The following CYREN variants were observed in gnomAD, a reference collection of about 807,000 sequenced individuals.
CYREN encodes cell cycle regulator of non-homologous end joining.
CYREN carries 7 observed loss-of-function variants against 9.7 expected under a neutral mutation model. The ratio of observed to expected loss-of-function variants is 0.72; its 90% CI spans 0.41 to 1.36. The LOEUF is 1.36. Among genes scored for constraint, CYREN ranks in the 40% most tolerant of loss-of-function variants. CYREN has a pLI of 0.01. For synonymous variants in CYREN, 76 were observed against 77.9 expected, an observed-to-expected ratio of 0.98 and a Z score of 0.13; for missense variants, 215 against 198.1, an observed-to-expected ratio of 1.09 and a Z score of -0.51.
chr7:135,155,251 A>G (rs1829761841), intron 2 of CYREN, among the ~76,000 whole-genome samples: 1 of 152,144 alleles, frequency 6.6e-6, no homozygotes. Context: ...GTTTCTTGTA[A>G]GCAGCATGGA....
intron 2 of CYREN, among the ~76,000 whole-genome samples, chr7:135,096,733 G>GAGAA (rs1441379719): frequency 6.4e-4 from 33 of 51,238 alleles, no homozygotes; most frequent in East Asian, 4.8e-3. Flanking sequence ...AAGAAAGAAA[G>GAGAA]AGAAAGAATG....
At chr7:135,102,805 C>A (rs1463873598) in intron 2 of CYREN, among the ~76,000 whole-genome samples, 7 of 151,896 alleles carry the variant, frequency 4.6e-5, no homozygotes, top group Admixed American at 4.6e-4. Context: ...AATATCTAAG[C>A]TAAAATCATA....
chr7:135,168,173 C>T (rs997925332), intron 2 of CYREN: 12 of 246,136 alleles, frequency 4.9e-5, no homozygotes, highest in East Asian at 2.4e-4. Context: ...TAGGGAAAGA[C>T]GGCAGCAGTC....
At chr7:135,147,910 T>C in intron 2 of CYREN, 3 of 455,926 alleles carry the variant, frequency 6.6e-6, no homozygotes, top group Non-Finnish European at 8.8e-6. Context: ...TTTAAATCAG[T>C]TGGTTTGCCG....
intron 2 of CYREN, among the ~76,000 whole-genome samples, chr7:135,114,066 G>A (rs1193497721): frequency 6.6e-6 from 1 of 152,062 alleles, no homozygotes; most frequent in Non-Finnish European, 1.5e-5. Flanking sequence ...ATATTCCATT[G>A]TATGAATATA....
chr7:135,139,347 A>G (rs1205079192), intron 2 of CYREN, among the ~76,000 whole-genome samples: 2 of 151,330 alleles, frequency 1.3e-5, no homozygotes, highest in African/African-American at 4.9e-5. Context: ...TGATGTTGAG[A>G]ATTTTTTCAT....
At chr7:135,112,074 T>C (rs1456486963) in intron 2 of CYREN, among the ~76,000 whole-genome samples, 1 of 152,192 alleles carries the variant, frequency 6.6e-6, no homozygotes, top group Non-Finnish European at 1.5e-5. Context: ...TACACTTCTG[T>C]TTTTTGGTCT....
At chr7:135,100,243 A>G (rs964027635) in intron 2 of CYREN, among the ~76,000 whole-genome samples, 1 of 152,058 alleles carries the variant, frequency 6.6e-6, no homozygotes, top group African/African-American at 2.4e-5. Flanking sequence ...AGCACTTTAG[A>G]ATGAATGACA....
At chr7:135,169,831 G>T (rs1830519101) in intron 1 of CYREN, among the ~76,000 whole-genome samples, 1 of 152,216 alleles carries the variant, frequency 6.6e-6, no homozygotes, top group Non-Finnish European at 1.5e-5. Flanking sequence ...AGTAGTCAGC[G>T]ATAGTCCTCT....
At chr7:135,164,413 C>G (rs753566403), downstream of CYREN, 5 of 1,578,884 alleles carry the variant, frequency 3.2e-6, no homozygotes, top group Non-Finnish European at 4.3e-6. Context: ...GTGACTTCCC[C>G]GCAGGTCCCC....
chr7:135,154,238 G>A lies in CYREN; in HGVS notation n.356+14511C>T, dbSNP rs1013261386. ...TCTTTCTTCTTGGTTAATCTAGCTA[G>A]TGGTTTATCAATTTTGTCTATCTTT... On this transcript the variant is annotated intron_variant and non_coding_transcript_variant, in intron 2 of 2. Transcript: ENST00000459937. 3.9e-5 allele frequency among the ~76,000 whole-genome samples: 6 copies of A among 152,074 alleles called. No homozygotes were observed. The East Asian group carries it at 1.2e-3, about 29-fold the overall frequency.
At chr7:135,142,036 G>A (rs1401318634) in intron 2 of CYREN, among the ~76,000 whole-genome samples, 1 of 151,974 alleles carries the variant, frequency 6.6e-6, no homozygotes, top group Admixed American at 6.6e-5. Flanking sequence ...TGTTGGGTGG[G>A]GTGTTCTGTA....
intron 2 of CYREN, among the ~76,000 whole-genome samples, chr7:135,154,817 T>A (rs1291224816): frequency 6.6e-6 from 1 of 152,242 alleles, no homozygotes; most frequent in Non-Finnish European, 1.5e-5. Flanking sequence ...AAATAATGTA[T>A]ATTCTGTAGT....
rs776802218 is a variant in CYREN at position 135,166,831 on chromosome 7, G to C, written c.254C>G (p.Ala85Gly). Residue 85 changes from alanine (A) to glycine (G), a missense_variant, in exon 4 of 4, where the codon GCG becomes GGG. Transcript: ENST00000393114. Reference sequence around the variant, plus strand: ...GGAGTGCTCTGGGTTATCAGCCCCCGCCAGGGCCGGCTGCTCGCAGGCCTT... The same window carrying C: ...GGAGTGCTCTGGGTTATCAGCCCCCCCCAGGGCCGGCTGCTCGCAGGCCTT... ...QEKACEQPALAGADNPEHSPP... is the reference protein window; with the variant it reads ...QEKACEQPALGGADNPEHSPP... 1 of 1,614,080 alleles carries C rather than the reference G, an allele frequency of 6.2e-7. No individual in the cohort carries two copies. The highest frequency in any genetic ancestry group is 8.5e-7 in the Non-Finnish European group (1 of 1,179,968).
In CYREN at chr7:135,139,081, A is replaced by G. The variant is rs6968591; in HGVS notation, n.356+29668T>C. Among the ~76,000 whole-genome samples, 389 of 152,172 alleles carry G rather than the reference A, an allele frequency of 2.6e-3. 1 individual carries two copies. Among genetic ancestry groups the G allele is most frequent in the African/African-American group, 8.7e-3 (363 of 41,546 alleles). Reference sequence around the variant, plus strand: ...CACATGCATGTGTCTTTATGGTAGAACAATTTATATTCCTTTGGATATATA... The same window carrying G: ...CACATGCATGTGTCTTTATGGTAGAGCAATTTATATTCCTTTGGATATATA... On this transcript the variant is annotated intron_variant and non_coding_transcript_variant, in intron 2 of 2. Coordinates refer to the CYREN transcript ENST00000459937.
intron 2 of CYREN, among the ~76,000 whole-genome samples, chr7:135,122,879 C>A (rs7805917): frequency 0.49 from 73,755 of 151,956 alleles, 18,258 homozygotes; most frequent in South Asian, 0.66. Flanking sequence ...CCCAGAAAAA[C>A]CCCATCCAAG....
chr7:135,166,537 G>A lies in CYREN; in HGVS notation c.*74C>T. The A allele has an allele frequency of 2.6e-6, 4 of 1,511,314 alleles. No individual in the cohort carries two copies. Among genetic ancestry groups the A allele is most frequent in the East Asian group, 4.5e-5 (2 of 43,974 alleles). The allele number at this position is 1,511,314 out of a possible 1,614,324, so 93.6% of individuals were successfully genotyped here. ...AGAGCCCCATTCCCACAGGCGGGCG[G>A]CCCAGCAGCACCAGTGGAAGCTCAG... On this transcript the variant is annotated 3_prime_UTR_variant, in exon 4 of 4. Transcript: ENST00000393114.
intron 2 of CYREN, among the ~76,000 whole-genome samples, chr7:135,149,362 G>A (rs1829616929): frequency 6.6e-6 from 1 of 152,024 alleles, no homozygotes; most frequent in Non-Finnish European, 1.5e-5. Flanking sequence ...ACTATGTAGA[G>A]TGATTTTATA....
chr7:135,156,650 TCTTGCA>T (rs2117444210), intron 2 of CYREN, among the ~76,000 whole-genome samples: 1 of 152,354 alleles, frequency 6.6e-6, no homozygotes, highest in East Asian at 1.9e-4. Flanking sequence ...TTCAGATTTC[TCTTGCA>T]CTTCATTGAG....
Sources: gnomAD v4.1 joint callset for allele counts (sites outside exome capture counted in the v4.1 genomes callset) on GRCh38, gnomAD v4.1.1 for gene constraint, MANE v1.5 for transcripts, NCBI Gene and HGNC (gene_info 2026-07-23, HGNC 2026-07-21) for gene names.